The following ZNF804A variants were observed in gnomAD, a reference collection of about 807,000 sequenced individuals.
ZNF804A encodes zinc finger protein 804A.
ZNF804A carries 2 observed loss-of-function variants against 16.5 expected under a neutral mutation model. That is an observed-to-expected ratio of 0.12 (90% CI 0.05 to 0.38). The LOEUF is 0.38. ZNF804A is among the 10% of genes least tolerant of loss of function. ZNF804A has a pLI of 0.99. For synonymous variants in ZNF804A, 534 were observed against 489.6 expected, an observed-to-expected ratio of 1.09 and a Z score of -1.20; for missense variants, 1,473 against 1,390.7, an observed-to-expected ratio of 1.06 and a Z score of -0.94.
At chr2:184,638,082 C>CCCAGTTAATAT (rs1691730161) in intron 1 of ZNF804A, among the ~76,000 whole-genome samples, 1 of 152,148 alleles carries the variant, frequency 6.6e-6, no homozygotes, top group African/African-American at 2.4e-5. Context: ...TTGTTGTGTG[C>CCCAGTTAATAT]CAGTTAATAT....
chr2:184,654,381 G>A (rs747065706), intron 1 of ZNF804A, among the ~76,000 whole-genome samples: 1 of 151,898 alleles, frequency 6.6e-6, no homozygotes, highest in Non-Finnish European at 1.5e-5. Flanking sequence ...GGAAATAAGG[G>A]CAAAAAAAAT....
At chr2:184,647,969 T>A (rs1275661238) in intron 1 of ZNF804A, among the ~76,000 whole-genome samples, 1 of 152,118 alleles carries the variant, frequency 6.6e-6, no homozygotes, top group African/African-American at 2.4e-5. Context: ...AGAAAAAATG[T>A]TAAAGACAGC....
chr2:184,826,297 A>G (rs1179534079), intron 1 of ZNF804A, among the ~76,000 whole-genome samples: 1 of 152,146 alleles, frequency 6.6e-6, no homozygotes, highest in East Asian at 1.9e-4. Context: ...TAATTTAGAA[A>G]TGAAACATTA....
At chr2:184,929,108 C>T (rs1028537919) in intron 2 of ZNF804A, among the ~76,000 whole-genome samples, 1 of 152,166 alleles carries the variant, frequency 6.6e-6, no homozygotes, top group Non-Finnish European at 1.5e-5. Flanking sequence ...TTCTATTCTA[C>T]CATCTAGCCT....
At chr2:184,904,448 T>C (rs954638908) in intron 2 of ZNF804A, among the ~76,000 whole-genome samples, 6 of 152,052 alleles carry the variant, frequency 3.9e-5, no homozygotes, top group Non-Finnish European at 8.8e-5. Flanking sequence ...AATAGTCGAC[T>C]AAGTTGCTCA....
intron 1 of ZNF804A, among the ~76,000 whole-genome samples, chr2:184,646,968 G>A (rs1057344831): frequency 1.3e-5 from 2 of 152,190 alleles, no homozygotes; most frequent in African/African-American, 4.8e-5. Context: ...CCCATTGCCT[G>A]AGGTAACGTA....
chr2:184,657,443 T>C (rs1692097773), intron 1 of ZNF804A, among the ~76,000 whole-genome samples: 1 of 152,184 alleles, frequency 6.6e-6, no homozygotes, highest in Non-Finnish European at 1.5e-5. Context: ...TTTCAGGAAT[T>C]GCTCTTAGTA....
intron 1 of ZNF804A, among the ~76,000 whole-genome samples, chr2:184,808,284 C>T (rs1694842321): frequency 6.6e-6 from 1 of 151,418 alleles, no homozygotes; most frequent in Non-Finnish European, 1.5e-5. Context: ...TATATTTTTA[C>T]AATCATATAT....
At chr2:184,884,827 A>G (rs1684860633) in intron 2 of ZNF804A, among the ~76,000 whole-genome samples, 1 of 152,176 alleles carries the variant, frequency 6.6e-6, no homozygotes, top group South Asian at 2.1e-4. Context: ...AGCAAGTGTA[A>G]CTGAACCAAA....
intron 1 of ZNF804A, among the ~76,000 whole-genome samples, chr2:184,793,836 C>T (rs1694590151): frequency 6.6e-6 from 1 of 152,108 alleles, no homozygotes; most frequent in Non-Finnish European, 1.5e-5. Context: ...GTTTTCCATT[C>T]CTGAGTTACT....
intron 1 of ZNF804A, among the ~76,000 whole-genome samples, chr2:184,695,188 G>A (rs1226631976): frequency 1.3e-5 from 2 of 152,138 alleles, no homozygotes; most frequent in African/African-American, 2.4e-5. Context: ...AAGGCTGGGA[G>A]TGGTGGCTCA....
chr2:184,785,779 G>A (rs1694438274), intron 1 of ZNF804A, among the ~76,000 whole-genome samples: 1 of 151,968 alleles, frequency 6.6e-6, no homozygotes, highest in African/African-American at 2.4e-5. Context: ...ATACATATCT[G>A]TGCATATATA....
chr2:184,637,044 T>A (rs2105690665), intron 1 of ZNF804A, among the ~76,000 whole-genome samples: 2 of 152,322 alleles, frequency 1.3e-5, no homozygotes, highest in South Asian at 4.1e-4. Flanking sequence ...ATAGTGATGA[T>A]CTATGTGGTT....
At chr2:184,829,912 AAAAAAAAAAACAAAAAC>A (rs1339607592) in intron 1 of ZNF804A, among the ~76,000 whole-genome samples, 4,008 of 114,240 alleles carry the variant, frequency 0.035, 189 homozygotes, top group Non-Finnish European at 0.048. Context: ...AAAAAAAAAA[AAAAAAAAAAACAAAAAC>A]AAAAAAAAAA....
At chr2:184,840,718 A>C (rs1695424458) in intron 1 of ZNF804A, among the ~76,000 whole-genome samples, 3 of 152,150 alleles carry the variant, frequency 2.0e-5, no homozygotes, top group Non-Finnish European at 4.4e-5. Context: ...CCCGCTAACA[A>C]AACTAAAGGA....
chr2:184,619,258 T>C (rs1691380337), intron 1 of ZNF804A, among the ~76,000 whole-genome samples: 2 of 152,100 alleles, frequency 1.3e-5, no homozygotes, highest in African/African-American at 2.4e-5. Context: ...TTTATGCATA[T>C]ATAATCTGAT....
chr2:184,792,531 A>G (rs1016663361), intron 1 of ZNF804A, among the ~76,000 whole-genome samples: 2 of 152,058 alleles, frequency 1.3e-5, no homozygotes, highest in African/African-American at 4.8e-5. Flanking sequence ...ATTGAGTTCT[A>G]AAAGTTCTTT....
At chr2:184,606,042 CTG>C (rs1691139534) in intron 1 of ZNF804A, among the ~76,000 whole-genome samples, 1 of 152,142 alleles carries the variant, frequency 6.6e-6, no homozygotes. Flanking sequence ...AATATACTGA[CTG>C]TTTATGAGGT....
chr2:184,896,075 G>T (rs1304029529), intron 2 of ZNF804A, among the ~76,000 whole-genome samples: 1 of 151,912 alleles, frequency 6.6e-6, no homozygotes, highest in African/African-American at 2.4e-5. Flanking sequence ...TATTTGCCAC[G>T]TGTTTTTTTT....
Sources: gnomAD v4.1 joint callset for allele counts (sites outside exome capture counted in the v4.1 genomes callset) on GRCh38, gnomAD v4.1.1 for gene constraint, MANE v1.5 for transcripts, NCBI Gene and HGNC (gene_info 2026-07-23, HGNC 2026-07-21) for gene names.